The following KCND2 variants were observed in gnomAD, a reference collection of about 807,000 sequenced individuals.
KCND2 encodes the protein potassium voltage-gated channel subfamily D member 2.
A neutral mutation model predicts 54.4 loss-of-function variants in KCND2; 16 were observed. That is an observed-to-expected ratio of 0.29 (90% CI 0.20 to 0.45). The LOEUF (loss-of-function observed/expected upper bound fraction) is 0.45, where lower values mean the gene tolerates loss of function less well. Among genes scored for constraint, KCND2 ranks in the 20% least tolerant of loss-of-function variants. KCND2 has a pLI of 1.00. For synonymous variants in KCND2, 317 were observed against 310.7 expected (o/e 1.02, Z -0.21); for missense variants, 486 against 824.2 (o/e 0.59, Z 5.02).
At chr7:120,717,813 C>T (rs539005812) in intron 1 of KCND2, among the ~76,000 whole-genome samples, 1 of 152,160 alleles carries the variant, frequency 6.6e-6, no homozygotes, top group South Asian at 2.1e-4. Flanking sequence ...ACTCAATTCC[C>T]AAGGAATCCT....
chr7:120,280,416 T>C (rs1000670586), intron 1 of KCND2, among the ~76,000 whole-genome samples: 1 of 152,092 alleles, frequency 6.6e-6, no homozygotes, highest in African/African-American at 2.4e-5. Flanking sequence ...AGGTTTAATA[T>C]GTGTTATTTC....
At chr7:120,452,889 G>T (rs760195839) in intron 1 of KCND2, among the ~76,000 whole-genome samples, 16 of 152,164 alleles carry the variant, frequency 1.1e-4, no homozygotes, top group Admixed American at 2.6e-4. Flanking sequence ...CTGAGATGGA[G>T]CCAGTACCAT....
At chr7:120,360,632 G>A (rs112911792) in intron 1 of KCND2, among the ~76,000 whole-genome samples, 81 of 152,146 alleles carry the variant, frequency 5.3e-4, no homozygotes, top group African/African-American at 1.8e-3. Context: ...ATCTGATTTA[G>A]ATAATTTGGG....
At chr7:120,440,131 A>G (rs1801926929) in intron 1 of KCND2, among the ~76,000 whole-genome samples, 1 of 151,886 alleles carries the variant, frequency 6.6e-6, no homozygotes, top group South Asian at 2.1e-4. Flanking sequence ...ATGAGTTCCT[A>G]TTTCTCCACG....
At chr7:120,746,898 T>C (rs1793014258) in intron 5 of KCND2, 1 of 152,100 alleles carries the variant, frequency 6.6e-6, no homozygotes, top group Non-Finnish European at 1.5e-5. Flanking sequence ...AAATTGGATG[T>C]CTCTGGGACT....
At chr7:120,675,171 G>A (rs757363585) in intron 1 of KCND2, among the ~76,000 whole-genome samples, 4 of 151,912 alleles carry the variant, frequency 2.6e-5, no homozygotes, top group South Asian at 2.1e-4. Context: ...ATACTACTGC[G>A]GCTTGCTAAC....
intron 1 of KCND2, among the ~76,000 whole-genome samples, chr7:120,335,429 G>T: frequency 6.8e-6 from 1 of 147,122 alleles, no homozygotes; most frequent in East Asian, 2.0e-4. Context: ...GTTTGTCCAT[G>T]GCTTGCTTTA....
chr7:120,672,773 G>A (rs1792008375), intron 1 of KCND2: 2 of 152,020 alleles, frequency 1.3e-5, no homozygotes, highest in South Asian at 2.1e-4. Flanking sequence ...TTGGAGATAG[G>A]GATTTTAAAG....
intron 1 of KCND2, among the ~76,000 whole-genome samples, chr7:120,375,806 C>A (rs1395391357): frequency 1.3e-5 from 2 of 151,762 alleles, no homozygotes; most frequent in Non-Finnish European, 2.9e-5. Context: ...AAAATAACTA[C>A]TTTCTGCCCC....
At chr7:120,448,570 A>G (rs892182734) in intron 1 of KCND2, among the ~76,000 whole-genome samples, 10 of 151,738 alleles carry the variant, frequency 6.6e-5, no homozygotes, top group Non-Finnish European at 2.9e-5. Context: ...AACTAATTTT[A>G]TGAGATCAGC....
intron 1 of KCND2, among the ~76,000 whole-genome samples, chr7:120,586,780 G>A (rs1431424760): frequency 6.6e-6 from 1 of 152,030 alleles, no homozygotes; most frequent in African/African-American, 2.4e-5. Flanking sequence ...TCTGCCAAAG[G>A]CACATTCATA....
At chr7:120,518,307 C>A (rs1803226164) in intron 1 of KCND2, among the ~76,000 whole-genome samples, 1 of 152,054 alleles carries the variant, frequency 6.6e-6, no homozygotes, top group Non-Finnish European at 1.5e-5. Flanking sequence ...TGTTAAGTCA[C>A]AATAATTTTT....
intron 1 of KCND2, among the ~76,000 whole-genome samples, chr7:120,448,211 G>T (rs1010798867): frequency 6.8e-6 from 1 of 147,932 alleles, no homozygotes; most frequent in Non-Finnish European, 1.5e-5. Flanking sequence ...CCCAGTGTGT[G>T]ATGTTCCCCA....
chr7:120,487,897 A>T (rs1464192446), intron 1 of KCND2, among the ~76,000 whole-genome samples: 1 of 152,148 alleles, frequency 6.6e-6, no homozygotes, highest in Non-Finnish European at 1.5e-5. Context: ...TTAGTTATGT[A>T]CAGCCAGGTG....
intron 1 of KCND2, among the ~76,000 whole-genome samples, chr7:120,721,429 G>A (rs1468967211): frequency 6.6e-6 from 1 of 152,132 alleles, no homozygotes; most frequent in Non-Finnish European, 1.5e-5. Context: ...TTTAATTTTA[G>A]GAGATAACTT....
At chr7:120,314,635 C>T (rs973000071) in intron 1 of KCND2, among the ~76,000 whole-genome samples, 2 of 151,960 alleles carry the variant, frequency 1.3e-5, no homozygotes, top group Admixed American at 1.3e-4. Flanking sequence ...TGTCAGGGCC[C>T]GTATAAGCGA....
intron 1 of KCND2, among the ~76,000 whole-genome samples, chr7:120,311,053 G>A (rs1051900795): frequency 2.0e-5 from 3 of 151,880 alleles, no homozygotes; most frequent in African/African-American, 4.8e-5. Flanking sequence ...ATATATAATA[G>A]TGAAGTATAT....
chr7:120,610,587 G>A (rs1400843581), intron 1 of KCND2, among the ~76,000 whole-genome samples: 3 of 152,092 alleles, frequency 2.0e-5, no homozygotes, highest in Non-Finnish European at 4.4e-5. Flanking sequence ...GCTTCCATGA[G>A]ATGCCTGTAC....
intron 1 of KCND2, among the ~76,000 whole-genome samples, chr7:120,330,523 G>T (rs1383335642): frequency 7.3e-6 from 1 of 137,370 alleles, no homozygotes; most frequent in Non-Finnish European, 1.5e-5. Flanking sequence ...GGAGGTTTCA[G>T]TGAGCTGAGA....
Sources: gnomAD v4.1 joint callset for allele counts (sites outside exome capture counted in the v4.1 genomes callset) on GRCh38, gnomAD v4.1.1 for gene constraint, MANE v1.5 for transcripts, NCBI Gene and HGNC (gene_info 2026-07-23, HGNC 2026-07-21) for gene names.